HK1: variants seen among roughly 807,000 people sequenced by gnomAD.
The protein encoded by HK1 is hexokinase-1.
A neutral mutation model predicts 91.6 loss-of-function variants in HK1; 28 were observed. That is an observed-to-expected ratio of 0.31 (90% CI 0.23 to 0.42). The LOEUF (loss-of-function observed/expected upper bound fraction) is 0.42. HK1 is among the 10% of genes least tolerant of loss of function. HK1 has a pLI of 1.00. For synonymous variants in HK1, 430 were observed against 468.1 expected (o/e 0.92, Z 1.05); for missense variants, 770 against 1,219.8 (o/e 0.63, Z 5.49).
intron 1 of HK1, among the ~76,000 whole-genome samples, chr10:69,323,111 T>C (rs376876911): frequency 1.3e-5 from 2 of 151,604 alleles, no homozygotes; most frequent in East Asian, 3.9e-4. Context: ...CTGGACGTGG[T>C]AGCATGCACC....
At chr10:69,299,012 T>G (rs1246334153) in intron 4 of HK1, among the ~76,000 whole-genome samples, 1 of 151,714 alleles carries the variant, frequency 6.6e-6, no homozygotes, top group Non-Finnish European at 1.5e-5. Context: ...TGATCTCAGC[T>G]CATTGCAACC....
rs543458729 is a variant in HK1, at chr10:69,380,214, G to A, written c.1265+119G>A. On this transcript the variant is annotated intron_variant, in intron 9 of 17. Coordinates refer to ENST00000359426, the MANE Select transcript of HK1 (RefSeq NM_000188.3). This position sits in a 1 kb window ranked among gnomAD's most constrained non-coding sequence, Gnocchi z 4.0. ...TCGGCAGACAAGACAATGGTGGTCG[G>A]GGGCTGTGGCTCATGCCTGTAATCT... 3.7e-6 allele frequency: 3 copies of A among 820,698 alleles called. No homozygotes were observed. Among genetic ancestry groups the A allele is most frequent in the South Asian group, 2.9e-5 (2 of 69,626 alleles). 50.8% of individuals were successfully genotyped at this position (820,698 alleles called of 1,614,324 possible).
At chr10:69,302,814 G>C (rs895364083) in intron 5 of HK1, among the ~76,000 whole-genome samples, 1 of 151,708 alleles carries the variant, frequency 6.6e-6, no homozygotes, top group African/African-American at 2.4e-5. Flanking sequence ...TGTTTGTTCT[G>C]AGATACATTT....
At chr10:69,395,637 A>C (rs1048840348) in intron 16 of HK1, among the ~76,000 whole-genome samples, 16 of 152,138 alleles carry the variant, frequency 1.1e-4, no homozygotes, top group African/African-American at 3.9e-4. Context: ...TTGGGGCATT[A>C]TATTGATTTA....
intron 1 of HK1, among the ~76,000 whole-genome samples, chr10:69,271,276 A>AAGAATACAAGAAACCTTGTATTCTTTCTC (rs1844148343): frequency 6.6e-6 from 1 of 152,124 alleles, no homozygotes; most frequent in African/African-American, 2.4e-5. Context: ...TTGGACAATC[A>AAGAATACAAGAAACCTTGTATTCTTTCTC]AGAATACAAG....
In HK1 at chr10:69,338,299, G is replaced by A. The variant is rs532536204; in HGVS notation, c.64-5528G>A. On this transcript the variant is annotated intron_variant, in intron 1 of 17. Transcript: ENST00000359426. ...GACAGAGGCCCTGGAGGCTGGATGC[G>A]GGTTCTCAGGCAAGAGTCTGAGGGA... 106 of 1,178,262 alleles carry A rather than the reference G, an allele frequency of 9.0e-5. 1 individual carries two copies. The Admixed American group carries it at 2.0e-3, about 22-fold the overall frequency. 73.0% of individuals were successfully genotyped at this position (1,178,262 alleles called of 1,614,324 possible).
chr10:69,365,137 G>A (rs531383062), intron 4 of HK1, among the ~76,000 whole-genome samples: 164 of 152,228 alleles, frequency 1.1e-3, no homozygotes, highest in Non-Finnish European at 1.8e-3. Context: ...TGGCCACCAG[G>A]TAGACAGAAG....
In HK1 at chr10:69,395,035, C is replaced by A. The variant is rs1365924159; in HGVS notation, c.2305C>A (p.Arg769=). The A allele has an allele frequency of 1.2e-6, 2 of 1,614,002 alleles. No individual in the cohort carries two copies. Among genetic ancestry groups the A allele is most frequent in the Admixed American group, 3.3e-5 (2 of 59,990 alleles). ...IDFTKKGFLF[R]GQISETLKTR... ...CTTCACCAAGAAGGGATTCCTCTTC[C>A]GAGGGCAGATCTCTGAGACGCTGAA... The change falls in exon 16 of 18, where the codon CGA becomes AGA. Residue 769 remains arginine (R), a synonymous_variant. Transcript: ENST00000359426.
At chr10:69,319,169 A>C in intron 1 of HK1, 159 bp downstream of exon 1, 1 of 860,684 alleles carries the variant, frequency 1.2e-6, no homozygotes, top group Non-Finnish European at 1.9e-6. Flanking sequence ...CTTCGATTCT[A>C]CCGGCATTGT....
At chr10:69,284,364 AG>A (rs1181271923) in intron 2 of HK1, among the ~76,000 whole-genome samples, 1 of 152,228 alleles carries the variant, frequency 6.6e-6, no homozygotes, top group African/African-American at 2.4e-5. Context: ...CCTCGCAGAC[AG>A]GAAGTATTCA....
At chr10:69,315,405 G>A (rs1846582703), upstream of HK1, among the ~76,000 whole-genome samples, 2 of 152,110 alleles carry the variant, frequency 1.3e-5, no homozygotes, top group Non-Finnish European at 2.9e-5. Flanking sequence ...GCCTGGCACT[G>A]GTCACTCCAA....
rs764563006 is a variant in HK1 at position 69,379,952 on chromosome 10, T to A, written c.1122T>A (p.Val374=). 1 of 1,614,142 alleles carries A rather than the reference T, an allele frequency of 6.2e-7. No homozygotes were observed. Among genetic ancestry groups the A allele is most frequent in the East Asian group, 2.2e-5 (1 of 44,886 alleles). ...SDDDCVSVQH[V]CTIVSFRSAN... ...ATGACTGTGTCTCAGTCCAGCACGT[T>A]TGCACCATTGTCTCATTTCGCTCAG... is the stretch of plus-strand genomic sequence containing the variant. Residue 374 remains valine, a synonymous_variant, in exon 9 of 18, where the codon GTT becomes GTA. Coordinates refer to ENST00000359426, the MANE Select transcript of HK1 (RefSeq NM_000188.3).
upstream of HK1, among the ~76,000 whole-genome samples, chr10:69,312,092 A>C (rs960292045): frequency 6.6e-6 from 1 of 152,222 alleles, no homozygotes; most frequent in Non-Finnish European, 1.5e-5. Context: ...GCAGGGTGGA[A>C]GGAAAACTTC....
chr10:69,307,919 A>C (rs1589460241), intron 5 of HK1, among the ~76,000 whole-genome samples: 1 of 151,916 alleles, frequency 6.6e-6, no homozygotes, highest in Non-Finnish European at 1.5e-5. Context: ...GCTCATGGCA[A>C]CCTCTGCCTC....
At chr10:69,382,279 G>T (rs1011183942) in intron 9 of HK1, among the ~76,000 whole-genome samples, 3 of 152,190 alleles carry the variant, frequency 2.0e-5, no homozygotes, top group Admixed American at 6.5e-5. Context: ...GGAGGCTAAG[G>T]TGGGAGGATC....
intron 5 of HK1, among the ~76,000 whole-genome samples, chr10:69,310,372 G>A (rs1050853538): frequency 7.0e-6 from 1 of 143,362 alleles, no homozygotes; most frequent in Non-Finnish European, 1.5e-5. Flanking sequence ...AGTGAGCCGA[G>A]ATCGTGCCAC....
chr10:69,321,280 G>A (rs1365338289), intron 1 of HK1, among the ~76,000 whole-genome samples: 2 of 152,198 alleles, frequency 1.3e-5, no homozygotes, highest in Non-Finnish European at 2.9e-5. Context: ...GTGACATAGT[G>A]GGTACTTGCT....
intron 8 of HK1, among the ~76,000 whole-genome samples, chr10:69,377,892 TAGAA>T (rs750552463): frequency 2.7e-4 from 41 of 152,314 alleles, no homozygotes; most frequent in Admixed American, 4.6e-4. Context: ...ACAGGACAGT[TAGAA>T]GGAAGGACAG....
chr10:69,389,013 A>C (rs1297065635), intron 13 of HK1, among the ~76,000 whole-genome samples, 184 bp from the exon 14 acceptor site: 1 of 152,192 alleles, frequency 6.6e-6, no homozygotes, highest in Non-Finnish European at 1.5e-5. Context: ...TGTTTCAGAT[A>C]TATCCTTAAT....
Sources: allele counts gnomAD v4.1 joint callset (sites outside exome capture counted in the v4.1 genomes callset), GRCh38; gene constraint gnomAD v4.1.1; non-coding constraint Gnocchi (gnomAD v3.1); transcripts MANE v1.5; gene names NCBI Gene and HGNC (gene_info 2026-07-23, HGNC 2026-07-21).